The following CLIP1 variants were observed in gnomAD, a reference collection of about 807,000 sequenced individuals.
CLIP1 encodes the protein CAP-Gly domain-containing linker protein 1.
A neutral mutation model predicts 161.6 loss-of-function variants in CLIP1; 66 were observed. That is an observed-to-expected ratio of 0.41 (90% CI 0.33 to 0.50). CLIP1 has a LOEUF of 0.50. CLIP1 is among the 20% of genes least tolerant of loss of function. The pLI, the probability that CLIP1 is intolerant of heterozygous loss-of-function variation, is 0.27. For synonymous variants in CLIP1, 598 were observed against 626.2 expected (o/e 0.96, Z 0.67); for missense variants, 1,376 against 1,702.0 (o/e 0.81, Z 3.37).
intron 21 of CLIP1, among the ~76,000 whole-genome samples, chr12:122,287,069 G>A (rs1195463759): frequency 6.6e-6 from 1 of 152,172 alleles, no homozygotes; most frequent in Non-Finnish European, 1.5e-5. Context: ...CCACTTGGGA[G>A]GCTGAGAGGT....
At chr12:122,298,399 G>A (rs377113022) in intron 20 of CLIP1, among the ~76,000 whole-genome samples, 2 of 151,880 alleles carry the variant, frequency 1.3e-5, no homozygotes, top group Non-Finnish European at 2.9e-5. Flanking sequence ...ACCTGAGGTC[G>A]AGTTCAAACG....
At chr12:122,284,736 A>G (rs1955782785) in intron 21 of CLIP1, among the ~76,000 whole-genome samples, 1 of 152,202 alleles carries the variant, frequency 6.6e-6, no homozygotes, top group Non-Finnish European at 1.5e-5. Context: ...GTTACATGAT[A>G]AGGACTTCAT....
At chr12:122,319,762 T>C (rs994975535) in intron 17 of CLIP1, among the ~76,000 whole-genome samples, 2 of 152,194 alleles carry the variant, frequency 1.3e-5, no homozygotes, top group African/African-American at 2.4e-5. Context: ...ATACCATCCT[T>C]GCTATTTCAA....
At chr12:122,281,619 C>T (rs556974033) in intron 21 of CLIP1, among the ~76,000 whole-genome samples, 2 of 151,732 alleles carry the variant, frequency 1.3e-5, no homozygotes, top group East Asian at 1.9e-4. Flanking sequence ...TGGCTTGAGG[C>T]GGGAGGATGG....
chr12:122,386,552 C>T (rs1206590117), intron 1 of CLIP1, among the ~76,000 whole-genome samples: 1 of 152,092 alleles, frequency 6.6e-6, no homozygotes, highest in African/African-American at 2.4e-5. Context: ...AAATTCTATG[C>T]TCAGATTACA....
At chr12:122,416,425 C>T (rs1012687897) in intron 1 of CLIP1, among the ~76,000 whole-genome samples, 1 of 152,042 alleles carries the variant, frequency 6.6e-6, no homozygotes, top group Non-Finnish European at 1.5e-5. Context: ...ATTCTTTGAG[C>T]CTCATTTTCC....
chr12:122,390,267 CATAT>C (rs1202631168), intron 1 of CLIP1, among the ~76,000 whole-genome samples: 1 of 71,290 alleles, frequency 1.4e-5, no homozygotes, highest in African/African-American at 3.9e-5. Context: ...TATACACACA[CATAT>C]ATATATACAT....
At chr12:122,337,462 G>GAAAAGA (rs111344823) in intron 11 of CLIP1, among the ~76,000 whole-genome samples, 6 of 143,944 alleles carry the variant, frequency 4.2e-5, no homozygotes, top group Admixed American at 1.4e-4. Context: ...AAAAAAAAAA[G>GAAAAGA]AAAGAAAAGA....
chr12:122,279,114 C>T lies in CLIP1; in HGVS notation c.3679G>A (p.Glu1227Lys). 1 of 1,612,278 alleles carries T rather than the reference C, an allele frequency of 6.2e-7. No individual in the cohort carries two copies. Among genetic ancestry groups the T allele is most frequent in the South Asian group, 1.1e-5 (1 of 90,622 alleles). Residue 1227 changes from glutamate (E) to lysine (K), a missense_variant, in exon 22 of 26, where the codon GAG becomes AAG. This residue lies in a region of CLIP1 where 948 missense variants were observed against 1,134.8 expected (regional missense o/e 0.84). Transcript: ENST00000620786. The surrounding 1 kb of genome is among the most constrained non-coding windows in gnomAD (Gnocchi z 4.5). The stretch of plus-strand genomic sequence containing the variant: ...ATGGATTTCTGCAAGGAAGCTTTCT[C>T]TTCATCTGCGTCTTTTATGAACTTG... ...ESKFIKDADE[E>K]KASLQKSISI...
chr12:122,332,156 A>G (rs1243282159), intron 15 of CLIP1, among the ~76,000 whole-genome samples: 2 of 151,842 alleles, frequency 1.3e-5, no homozygotes, highest in Admixed American at 1.3e-4. Context: ...TTAGCCAGGC[A>G]TGGTGGTGCA....
At chr12:122,371,289 GCTC>G (rs900029261) in intron 3 of CLIP1, among the ~76,000 whole-genome samples, 11 of 152,162 alleles carry the variant, frequency 7.2e-5, no homozygotes, top group Admixed American at 2.6e-4. Flanking sequence ...AGTGGCATGG[GCTC>G]CTCAACACAG....
chr12:122,406,974 A>AT (rs1455444914), intron 1 of CLIP1, among the ~76,000 whole-genome samples: 1 of 152,294 alleles, frequency 6.6e-6, no homozygotes, highest in Non-Finnish European at 1.5e-5. Context: ...AAGCTGAATA[A>AT]TTTGAGTTAT....
intron 1 of CLIP1, among the ~76,000 whole-genome samples, chr12:122,393,186 T>A (rs1593233864): frequency 6.7e-6 from 1 of 149,546 alleles, no homozygotes; most frequent in African/African-American, 2.5e-5. Context: ...TTTTTTTAGA[T>A]GGAGTCTCAC....
intron 1 of CLIP1, among the ~76,000 whole-genome samples, chr12:122,388,918 A>G (rs752828282): frequency 1.3e-5 from 2 of 152,170 alleles, no homozygotes; most frequent in African/African-American, 2.4e-5. Context: ...ATTCATCAAG[A>G]AGTAATCTGA....
At position 122,313,746 on chromosome 12, in the gene CLIP1, A is replaced by G. The variant is rs113978945; in HGVS notation, c.3473+3003T>C. 6.0e-3 allele frequency among the ~76,000 whole-genome samples: 919 copies of G among 152,178 alleles called. 4 individuals carry two copies. The highest frequency in any genetic ancestry group is 0.017 in the Middle Eastern group (5 of 294). ...ACAACAACAACAACAAAAAAAAACTATGTCTTCATAAGGGTGAAACCAACA... is the reference window on the plus strand; with the variant it reads ...ACAACAACAACAACAAAAAAAAACTGTGTCTTCATAAGGGTGAAACCAACA... On this transcript the variant is annotated intron_variant, in intron 19 of 25. Coordinates refer to ENST00000620786, the MANE Select transcript of CLIP1 (RefSeq NM_001247997.2).
intron 5 of CLIP1, among the ~76,000 whole-genome samples, chr12:122,360,111 T>C (rs184398433): frequency 5.2e-4 from 79 of 152,262 alleles, no homozygotes; most frequent in Admixed American, 2.6e-3. Flanking sequence ...AAACAGGCTT[T>C]CCTAGTATCC....
At chr12:122,359,752 A>G (rs1354736885) in intron 5 of CLIP1, among the ~76,000 whole-genome samples, 1 of 152,150 alleles carries the variant, frequency 6.6e-6, no homozygotes, top group Non-Finnish European at 1.5e-5. Context: ...TCTCTGCCCG[A>G]CGACAATGGA....
chr12:122,284,629 G>A (rs1340336762), intron 21 of CLIP1, among the ~76,000 whole-genome samples: 4 of 152,166 alleles, frequency 2.6e-5, no homozygotes, highest in Non-Finnish European at 5.9e-5. Flanking sequence ...TGGGATTACA[G>A]GCATGAGCCA....
chr12:122,402,580 A>T (rs1956180082), intron 1 of CLIP1, among the ~76,000 whole-genome samples: 1 of 152,200 alleles, frequency 6.6e-6, no homozygotes, highest in Admixed American at 6.5e-5. Context: ...GTTTGACAGC[A>T]GCCTGGCCAA....
Sources: allele counts gnomAD v4.1 joint callset (sites outside exome capture counted in the v4.1 genomes callset), GRCh38; gene constraint gnomAD v4.1.1; regional missense constraint gnomAD v4.1.1; non-coding constraint Gnocchi (gnomAD v3.1); transcripts MANE v1.5; gene names NCBI Gene and HGNC (gene_info 2026-07-23, HGNC 2026-07-21).